RIPK4: variants seen among roughly 807,000 people sequenced by gnomAD.
The protein encoded by RIPK4 is receptor-interacting serine/threonine-protein kinase 4.
In RIPK4, 17 loss-of-function variants were observed where a neutral mutation model predicts 42.9. That is an observed-to-expected ratio of 0.40 (90% CI 0.27 to 0.59). The LOEUF (loss-of-function observed/expected upper bound fraction) is 0.59, where lower values mean the gene tolerates loss of function less well. Ranked by LOEUF, RIPK4 falls within the 20% of genes least tolerant of loss-of-function variation. The probability of loss-of-function intolerance (pLI) is 0.47; values close to 1 mark genes in which losing one functional copy is unlikely to be tolerated. For missense variants in RIPK4, 897 were observed against 1,104.4 expected, an observed-to-expected ratio of 0.81 and a Z score of 2.66; for synonymous variants, 498 against 499.1, an observed-to-expected ratio of 1.00 and a Z score of 0.03.
At chr21:41,743,439 G>C (rs757842081) in intron 7 of RIPK4, among the ~76,000 whole-genome samples, 4 of 152,236 alleles carry the variant, frequency 2.6e-5, no homozygotes. Flanking sequence ...ACATTACTAG[G>C]CCTGGACTAC....
Position 41,742,116 on chromosome 21 carries a change from T to G in RIPK4, c.1196-119A>C. On this transcript the variant is annotated intron_variant, in intron 7 of 7. Coordinates refer to ENST00000332512, the MANE Select transcript of RIPK4 (RefSeq NM_020639.3). This position sits in a 1 kb window ranked among gnomAD's most constrained non-coding sequence, Gnocchi z 5.1. ...GTGCCATGGCCTCCAGGCTGCTCGCTGGTCACCCGACTGTGTTTGAGCGTT... is the reference window on the plus strand; with the variant it reads ...GTGCCATGGCCTCCAGGCTGCTCGCGGGTCACCCGACTGTGTTTGAGCGTT... 6 of 870,930 alleles carry G rather than the reference T, an allele frequency of 6.9e-6. No individual in the cohort carries two copies. Among genetic ancestry groups the G allele is most frequent in the Non-Finnish European group, 1.1e-5 (6 of 559,950 alleles). The allele number at this position is 870,930 out of a possible 1,614,324, so 54.0% of individuals were successfully genotyped here.
At chr21:41,752,403 T>G (rs968509609) in intron 2 of RIPK4, among the ~76,000 whole-genome samples, 7 of 151,952 alleles carry the variant, frequency 4.6e-5, no homozygotes, top group African/African-American at 1.4e-4. Flanking sequence ...GACTCGGGCT[T>G]CCAGGGATCC....
At chr21:41,749,802 G>A (rs569062854) in intron 3 of RIPK4, among the ~76,000 whole-genome samples, 2 of 151,338 alleles carry the variant, frequency 1.3e-5, no homozygotes, top group Non-Finnish European at 2.9e-5. Context: ...AGCCTTTTTC[G>A]GGGGCTGCTT....
intron 1 of RIPK4, among the ~76,000 whole-genome samples, chr21:41,759,290 T>C (rs1488918927): frequency 6.6e-6 from 1 of 152,184 alleles, no homozygotes; most frequent in East Asian, 1.9e-4. Flanking sequence ...AGATGGGATT[T>C]TGCTGTTTGC....
In RIPK4 at chr21:41,740,526, T is replaced by TG. The variant is rs1315374449; in HGVS notation, c.*311dup. The TG allele has an allele frequency of 8.2e-6, 3 of 366,268 alleles. No individual in the cohort carries two copies. Among genetic ancestry groups the TG allele is most frequent in the African/African-American group, 6.3e-5 (3 of 47,562 alleles). The allele number at this position is 366,268 out of a possible 1,614,324, so 22.7% of individuals were successfully genotyped here. On this transcript the variant is annotated 3_prime_UTR_variant, in exon 8 of 8. Transcript: ENST00000332512. ...AGGAGAGAGTGGATGCTTCCACGCC[T>TG]GGGGCTTCATCACTGAGAGACCAGC...
chr21:41,745,711 G>T, intron 6 of RIPK4, 48 bp downstream of exon 6: 1 of 1,439,968 alleles, frequency 6.9e-7, no homozygotes, highest in Non-Finnish European at 9.8e-7. Flanking sequence ...GGAAACTCCT[G>T]CCTGGAAGCC....
Position 41,751,185 on chromosome 21 carries a change from C to T in RIPK4, c.535G>A (p.Asp179Asn). The T allele has an allele frequency of 6.2e-7, 1 of 1,614,244 alleles. No homozygotes were observed. The highest frequency in any genetic ancestry group is 8.5e-7 in the Non-Finnish European group (1 of 1,180,036). The change falls in exon 3 of 8, where the codon GAT becomes AAT. Residue 179 changes from aspartate to asparagine, a missense_variant. Transcript: ENST00000332512. This position sits in a 1 kb window ranked among gnomAD's most constrained non-coding sequence, Gnocchi z 4.5. ...GLSHSHDLSM[D>N]GLFGTIAYLP... ...TAGGCGATTGTGCCAAACAGGCCATCCATGCTGAGGTCATGCGAGTGGGAC... is the reference window on the plus strand; with the variant it reads ...TAGGCGATTGTGCCAAACAGGCCATTCATGCTGAGGTCATGCGAGTGGGAC...
intron 1 of RIPK4, among the ~76,000 whole-genome samples, chr21:41,762,059 C>T (rs2061221994): frequency 6.6e-6 from 1 of 152,230 alleles, no homozygotes; most frequent in Non-Finnish European, 1.5e-5. Flanking sequence ...AAGCGGATCC[C>T]GGCTAGAATC....
chr21:41,757,087 T>C (rs1434134731), intron 1 of RIPK4, among the ~76,000 whole-genome samples: 2 of 152,164 alleles, frequency 1.3e-5, no homozygotes, highest in Non-Finnish European at 2.9e-5. Flanking sequence ...TGATAACACA[T>C]GTGGGGGGTC....
intron 1 of RIPK4, among the ~76,000 whole-genome samples, chr21:41,759,973 C>T (rs1362871944): frequency 6.6e-6 from 1 of 152,214 alleles, no homozygotes; most frequent in African/African-American, 2.4e-5. Flanking sequence ...CGTCTCAGGA[C>T]ATAGCCCACT....
chr21:41,758,021 A>AAAATATATATAT (rs1555910478), intron 1 of RIPK4, among the ~76,000 whole-genome samples: 2 of 51,370 alleles, frequency 3.9e-5, no homozygotes, highest in African/African-American at 2.3e-4. Flanking sequence ...AAAAAAAAAA[A>AAAATATATATAT]ATATATATAT....
rs948345961 is a variant in RIPK4, at chr21:41,739,941, T to A, written c.*897A>T. The A allele has an allele frequency of 6.6e-6, 1 of 152,232 alleles. No individual in the cohort carries two copies. Among genetic ancestry groups the A allele is most frequent in the Non-Finnish European group, 1.5e-5 (1 of 68,042 alleles). 9.4% of individuals were successfully genotyped at this position (152,232 alleles called of 1,614,324 possible). On this transcript the variant is annotated 3_prime_UTR_variant, in exon 8 of 8. Coordinates refer to ENST00000332512, the MANE Select transcript of RIPK4 (RefSeq NM_020639.3). Reference sequence around the variant, plus strand: ...TTTATCTTCATACTGCGTGTGGAGATAAAAAACACAGCTTCTCCTGCACCT... The same window carrying A: ...TTTATCTTCATACTGCGTGTGGAGAAAAAAAACACAGCTTCTCCTGCACCT...
rs1399926335 is a variant in RIPK4, at chr21:41,747,815, G to A, written c.674-1044C>T. 2.6e-5 allele frequency among the ~76,000 whole-genome samples: 4 copies of A among 152,202 alleles called. No homozygotes were observed. The South Asian group carries it at 8.3e-4, about 32-fold the overall frequency. ...ACTGGAAAAGCTGGGGAGAGGCCTT[G>A]TTCTCCTGCACCTTGAACCCCCTCC... On this transcript the variant is annotated intron_variant, in intron 4 of 7. Transcript: ENST00000332512.
chr21:41,744,175 C>A, intron 6 of RIPK4, 35 bp from the exon 7 acceptor site: 1 of 1,529,598 alleles, frequency 6.5e-7, no homozygotes, highest in Non-Finnish European at 8.8e-7. Context: ...GGGTGAAGAC[C>A]CTGCCATAGA....
chr21:41,766,527 C>G (rs2061237267), intron 1 of RIPK4, among the ~76,000 whole-genome samples: 1 of 152,166 alleles, frequency 6.6e-6, no homozygotes, highest in Non-Finnish European at 1.5e-5. Context: ...CAGGGCCACT[C>G]GGGGAGTGTC....
Position 41,741,528 on chromosome 21 carries a change from G to A in RIPK4, c.1665C>T (p.Ile555=). The change falls in exon 8 of 8, where the codon ATC becomes ATT. Residue 555 remains isoleucine (I), a synonymous_variant. Coordinates refer to ENST00000332512, the MANE Select transcript of RIPK4 (RefSeq NM_020639.3). ...TCACGTCCACGCCTCGGCGCAGCAG[G>A]ATGCGCACGATATTCTCCTGCCCGT... The part of the protein sequence containing the change: ...CQHGQENIVR[I]LLRRGVDVSL... 1 of 1,612,330 alleles carries A rather than the reference G, an allele frequency of 6.2e-7. No individual in the cohort carries two copies. The highest frequency in any genetic ancestry group is 8.5e-7 in the Non-Finnish European group (1 of 1,180,002).
chr21:41,739,976 G>C lies in RIPK4; in HGVS notation c.*862C>G, dbSNP rs1203623245. The stretch of plus-strand genomic sequence containing the variant: ...AGCTTCTCCTGCACCTCTTCCCCAA[G>C]ACTGGTGCACTCCAGCGACCTGAGG... On this transcript the variant is annotated 3_prime_UTR_variant, in exon 8 of 8. Coordinates refer to ENST00000332512, the MANE Select transcript of RIPK4 (RefSeq NM_020639.3). 6.6e-6 allele frequency: 1 copy of C among 152,222 alleles called. No homozygotes were observed. The highest frequency in any genetic ancestry group is 2.4e-5 in the African/African-American group (1 of 41,458). The allele number at this position is 152,222 out of a possible 1,614,324, so 9.4% of individuals were successfully genotyped here.
At chr21:41,760,616 A>G (rs1382918415) in intron 1 of RIPK4, among the ~76,000 whole-genome samples, 1 of 152,014 alleles carries the variant, frequency 6.6e-6, no homozygotes, top group Non-Finnish European at 1.5e-5. Context: ...GAGCACACAC[A>G]CTCTGTTGGA....
chr21:41,757,649 A>T (rs1205829438), intron 1 of RIPK4, among the ~76,000 whole-genome samples: 1 of 152,082 alleles, frequency 6.6e-6, no homozygotes, highest in Non-Finnish European at 1.5e-5. Context: ...CTAATGAAAC[A>T]GCATAGGTCC....
Sources: allele counts gnomAD v4.1 joint callset (sites outside exome capture counted in the v4.1 genomes callset), GRCh38; gene constraint gnomAD v4.1.1; non-coding constraint Gnocchi (gnomAD v3.1); transcripts MANE v1.5; gene names NCBI Gene and HGNC (gene_info 2026-07-23, HGNC 2026-07-21).